The following RANBP2 variants were observed in gnomAD, a reference collection of about 807,000 sequenced individuals.
RANBP2 encodes the protein RAN binding protein 2.
Under a neutral mutation model 303.6 loss-of-function variants are expected in RANBP2, and 57 were observed. That is an observed-to-expected ratio of 0.19 (90% CI 0.15 to 0.23). The LOEUF (loss-of-function observed/expected upper bound fraction) is 0.23. RANBP2 is among the 10% of genes least tolerant of loss of function. The pLI, the probability that RANBP2 is intolerant of heterozygous loss-of-function variation, is 1.00. For missense variants in RANBP2, 3,138 were observed against 3,780.8 expected, an observed-to-expected ratio of 0.83 and a Z score of 4.46; for synonymous variants, 1,167 against 1,301.5, an observed-to-expected ratio of 0.90 and a Z score of 2.23.
At chr2:109,730,029 G>A in the RANBP2 span, among the ~76,000 whole-genome samples, 10 of 152,022 alleles carry the variant, frequency 6.6e-5, no homozygotes, top group African/African-American at 1.4e-4. Context: ...TGGGGGAACC[G>A]CCCCCATGAT....
chr2:109,716,012 C>G, the RANBP2 span, among the ~76,000 whole-genome samples: 1 of 151,998 alleles, frequency 6.6e-6, no homozygotes, highest in Non-Finnish European at 1.5e-5. Context: ...TTCATTTTGC[C>G]AAAGTTAAGG....
chr2:109,441,917 T>G, the RANBP2 span, among the ~76,000 whole-genome samples: 1 of 152,028 alleles, frequency 6.6e-6, no homozygotes, highest in Non-Finnish European at 1.5e-5. Context: ...AATATAGCTG[T>G]CAATCTAGTA....
the RANBP2 span, chr2:109,419,504 T>C: frequency 6.5e-7 from 1 of 1,550,370 alleles, no homozygotes; most frequent in Non-Finnish European, 8.7e-7. Context: ...GGAGTCTCTG[T>C]CTCCTCACTC....
chr2:109,211,202 C>T, the RANBP2 span, among the ~76,000 whole-genome samples: 151 of 152,296 alleles, frequency 9.9e-4, no homozygotes, highest in Non-Finnish European at 1.8e-3. Flanking sequence ...GGGGCTGCTC[C>T]TTGGCTGGGA....
chr2:109,705,067 C>G, the RANBP2 span, among the ~76,000 whole-genome samples: 1 of 132,850 alleles, frequency 7.5e-6, no homozygotes, highest in African/African-American at 2.8e-5. Flanking sequence ...GGGCAAGACT[C>G]CCTCTCAAAA....
the RANBP2 span, chr2:108,929,196 A>C: frequency 1.9e-6 from 3 of 1,613,864 alleles, no homozygotes; most frequent in African/African-American, 4.0e-5. Flanking sequence ...GCCTGTGCTT[A>C]CCCAGGGAGG....
At chr2:109,697,688 AT>A in the RANBP2 span, among the ~76,000 whole-genome samples, 3 of 151,964 alleles carry the variant, frequency 2.0e-5, no homozygotes, top group Non-Finnish European at 4.4e-5. Flanking sequence ...TAGGGTATTT[AT>A]TTCTTCTTTC....
chr2:109,354,670 T>A, the RANBP2 span, among the ~76,000 whole-genome samples: 19 of 151,486 alleles, frequency 1.3e-4, no homozygotes, highest in African/African-American at 4.7e-4. Context: ...CAAAGGGCAG[T>A]GTGCTCCGCC....
the RANBP2 span, among the ~76,000 whole-genome samples, chr2:109,687,686 T>A: frequency 6.6e-6 from 1 of 151,982 alleles, no homozygotes; most frequent in African/African-American, 2.4e-5. Flanking sequence ...CTTATGGTCC[T>A]GGCCTGATGG....
At chr2:109,633,163 G>A in the RANBP2 span, among the ~76,000 whole-genome samples, 3 of 152,138 alleles carry the variant, frequency 2.0e-5, no homozygotes, top group Admixed American at 6.6e-5. Flanking sequence ...AGGCCATGGC[G>A]GGTGGAATCA....
At chr2:109,574,642 G>A in the RANBP2 span, 11 of 1,604,350 alleles carry the variant, frequency 6.9e-6, no homozygotes, top group East Asian at 9.0e-5. Flanking sequence ...GCCTGTCGGT[G>A]AAATGAAGTA....
At chr2:109,411,335 A>G in the RANBP2 span, among the ~76,000 whole-genome samples, 909 of 152,318 alleles carry the variant, frequency 6.0e-3, 11 homozygotes, top group African/African-American at 0.021. Flanking sequence ...CTTTCCCTGC[A>G]GTTAGTTCCT....
the RANBP2 span, among the ~76,000 whole-genome samples, chr2:109,198,741 A>G: frequency 6.6e-6 from 1 of 152,114 alleles, no homozygotes; most frequent in South Asian, 2.1e-4. Flanking sequence ...CTCATGACCT[A>G]ATCACCTTCC....
the RANBP2 span, chr2:108,912,803 G>A: frequency 6.6e-7 from 1 of 1,520,800 alleles, no homozygotes; most frequent in Non-Finnish European, 8.9e-7. Flanking sequence ...ATCCAGAGAA[G>A]CTCCACCTTC....
chr2:109,301,277 G>A, the RANBP2 span, among the ~76,000 whole-genome samples: 1 of 151,882 alleles, frequency 6.6e-6, no homozygotes. Flanking sequence ...CACACTTGCT[G>A]TGTGTGGTGT....
At chr2:109,337,231 A>G in the RANBP2 span, among the ~76,000 whole-genome samples, 35 of 152,100 alleles carry the variant, frequency 2.3e-4, no homozygotes, top group Non-Finnish European at 5.9e-5. Context: ...CTTTGGACCT[A>G]TCTGTATTGA....
chr2:108,968,803 C>G, the RANBP2 span, among the ~76,000 whole-genome samples: 1 of 152,210 alleles, frequency 6.6e-6, no homozygotes, highest in African/African-American at 2.4e-5. Context: ...CTCAGGCCTG[C>G]CTGAGATGAT....
chr2:109,701,878 G>T, the RANBP2 span, among the ~76,000 whole-genome samples: 1 of 152,138 alleles, frequency 6.6e-6, no homozygotes, highest in Non-Finnish European at 1.5e-5. Context: ...AACCACAAAG[G>T]CCAGTCAGTC....
chr2:108,763,101 A>C, intron 19 of RANBP2, 136 bp from the exon 20 acceptor site: 1 of 1,052,414 alleles, frequency 9.5e-7, no homozygotes, highest in Non-Finnish European at 1.4e-6. Flanking sequence ...AAACGGGTTA[A>C]TGATGTGTAC....
Sources: allele counts gnomAD v4.1 joint callset (sites outside exome capture counted in the v4.1 genomes callset), GRCh38; gene constraint gnomAD v4.1.1; transcripts MANE v1.5; gene names NCBI Gene and HGNC (gene_info 2026-07-23, HGNC 2026-07-21).